TADA2A: variants seen among roughly 807,000 people sequenced by gnomAD.
TADA2A encodes transcriptional adapter 2-alpha.
Under a neutral mutation model 67.4 loss-of-function variants are expected in TADA2A, and 38 were observed. That is an observed-to-expected ratio of 0.56 (90% CI 0.44 to 0.74). The LOEUF (loss-of-function observed/expected upper bound fraction) is 0.74, where lower values mean the gene tolerates loss of function less well. Ranked by LOEUF, TADA2A falls within the 30% of genes least tolerant of loss-of-function variation. TADA2A has a pLI of 0.00. For synonymous variants in TADA2A, 192 were observed against 181.6 expected (o/e 1.06, Z -0.46); for missense variants, 454 against 547.0 (o/e 0.83, Z 1.70).
At chr17:37,427,929 C>T (rs990242050) in intron 4 of TADA2A, among the ~76,000 whole-genome samples, 3 of 151,980 alleles carry the variant, frequency 2.0e-5, no homozygotes, top group African/African-American at 7.3e-5. Flanking sequence ...TTGCAGTGAG[C>T]CAAGATCGCA....
intron 2 of TADA2A, among the ~76,000 whole-genome samples, chr17:37,423,065 A>G (rs1423264407): frequency 1.3e-5 from 2 of 152,102 alleles, no homozygotes; most frequent in Non-Finnish European, 2.9e-5. Context: ...ATGGTGAGAC[A>G]TCGTCTCTAC....
chr17:37,414,342 T>C (rs1306016181), intron 2 of TADA2A, among the ~76,000 whole-genome samples: 2 of 152,120 alleles, frequency 1.3e-5, no homozygotes, highest in Non-Finnish European at 2.9e-5. Context: ...TACATCCTTA[T>C]AGCGTACTCT....
At chr17:37,425,626 A>G (rs951609354) in intron 3 of TADA2A, among the ~76,000 whole-genome samples, 1 of 152,112 alleles carries the variant, frequency 6.6e-6, no homozygotes, top group African/African-American at 2.4e-5. Flanking sequence ...ACTTTCGATT[A>G]TAAGATGAAT....
intron 7 of TADA2A, among the ~76,000 whole-genome samples, chr17:37,442,996 C>G (rs1597895905): frequency 2.0e-5 from 3 of 151,966 alleles, no homozygotes; most frequent in Admixed American, 6.6e-5. Context: ...GACCCTGTCT[C>G]TACAAAAAAT....
intron 10 of TADA2A, among the ~76,000 whole-genome samples, chr17:37,464,838 CAAAAA>C (rs35664546): frequency 8.4e-6 from 1 of 119,478 alleles, no homozygotes; most frequent in East Asian, 2.5e-4. Flanking sequence ...GACTCCATCT[CAAAAA>C]AAAAAAAAAA....
rs114589117 is a variant in TADA2A at position 37,454,276 on chromosome 17, C to T, written c.605-4248C>T. On this transcript the variant is annotated intron_variant, in intron 8 of 15. Transcript: ENST00000615182. ...TTTTCTAGTTCCTTAGTGCAAAATG[C>T]GAGGGCATTACTTTCTTTCTTTCTT... The T allele has an allele frequency of 6.5e-3, 974 of 150,352 alleles. 3 individuals are homozygous for T. The highest frequency in any genetic ancestry group is 0.022 in the African/African-American group (904 of 40,668). 9.3% of individuals were successfully genotyped at this position (150,352 alleles called of 1,614,324 possible).
At chr17:37,455,035 G>A (rs967565653) in intron 8 of TADA2A, 10 of 154,530 alleles carry the variant, frequency 6.5e-5, no homozygotes, top group South Asian at 2.0e-4. Flanking sequence ...CAGAGGACAC[G>A]TGGCAGGTTA....
chr17:37,411,255 T>G lies in TADA2A; in HGVS notation c.-97-14T>G. On this transcript the variant is annotated splice_polypyrimidine_tract_variant and intron_variant, in intron 1 of 15. Coordinates refer to ENST00000615182, the MANE Select transcript of TADA2A (RefSeq NM_001166105.3). ...TGATTTTCTGATCCATGTGCCACTT[T>G]TGTTTGTTCCTAGGGAGTCATCAAG... 1.0e-6 allele frequency: 1 copy of G among 963,084 alleles called. No homozygotes were observed. The highest frequency in any genetic ancestry group is 1.7e-6 in the Non-Finnish European group (1 of 601,684). 59.7% of individuals were successfully genotyped at this position (963,084 alleles called of 1,614,324 possible).
At chr17:37,444,134 C>CT (rs1212949047) in intron 7 of TADA2A, among the ~76,000 whole-genome samples, 1 of 151,808 alleles carries the variant, frequency 6.6e-6, no homozygotes, top group African/African-American at 2.4e-5. Flanking sequence ...TGGCACATGC[C>CT]TGTAGACCCA....
intron 3 of TADA2A, among the ~76,000 whole-genome samples, chr17:37,424,284 A>AC (rs1274423292): frequency 7.9e-5 from 12 of 151,874 alleles, no homozygotes; most frequent in African/African-American, 2.9e-4. Flanking sequence ...CTCCACAAAA[A>AC]TAAAAAAAAA....
At chr17:37,423,754 T>C (rs1008409109) in intron 3 of TADA2A, 139 bp downstream of exon 3, 1 of 91,072 alleles carries the variant, frequency 1.1e-5, no homozygotes, top group Non-Finnish European at 1.5e-5. Context: ...TTTTCTTTCT[T>C]TTTTTTTTTT....
At chr17:37,452,175 G>A (rs932699977) in intron 8 of TADA2A, among the ~76,000 whole-genome samples, 3 of 152,050 alleles carry the variant, frequency 2.0e-5, no homozygotes, top group Non-Finnish European at 4.4e-5. Flanking sequence ...AGGCCAAGGC[G>A]GTGGATCACT....
chr17:37,435,390 G>A (rs1411579523), intron 4 of TADA2A, among the ~76,000 whole-genome samples: 2 of 152,102 alleles, frequency 1.3e-5, no homozygotes, highest in African/African-American at 2.4e-5. Context: ...CCGGGTTCAC[G>A]CCATTCTCCT....
chr17:37,470,943 A>G (rs553752103), intron 13 of TADA2A, 151 bp from the exon 14 acceptor site: 48 of 755,298 alleles, frequency 6.4e-5, no homozygotes, highest in African/African-American at 6.0e-4. Context: ...CCTGCTCAAT[A>G]CAGTGAGATA....
At chr17:37,414,451 C>T (rs2051979125) in intron 2 of TADA2A, among the ~76,000 whole-genome samples, 1 of 152,106 alleles carries the variant, frequency 6.6e-6, no homozygotes, top group African/African-American at 2.4e-5. Context: ...TCAGCCACTT[C>T]TCTGAGGAGT....
rs1028233668 is a variant in TADA2A, at chr17:37,422,275, A to G, written c.26-1234A>G. Among the ~76,000 whole-genome samples the G allele has an allele frequency of 2.5e-5, 3 of 120,856 alleles. 1 individual carries two copies. The highest frequency in any genetic ancestry group is 5.6e-5 in the African/African-American group (2 of 35,918). 79.3% of individuals were successfully genotyped at this position (120,856 alleles called of 152,430 possible). ...TGGCCAGGCTGGTCTTGAACTCCTC[A>G]CCTCATGATCCACCCGCCTCGGCCC... On this transcript the variant is annotated intron_variant, in intron 2 of 15. Transcript: ENST00000615182.
At chr17:37,472,791 G>T (rs2053817117) in intron 14 of TADA2A, among the ~76,000 whole-genome samples, 1 of 152,148 alleles carries the variant, frequency 6.6e-6, no homozygotes, top group South Asian at 2.1e-4. Context: ...GAATCCGGGA[G>T]GCAGAGGTTT....
chr17:37,409,169 T>G (rs1228972447), intron 1 of TADA2A, among the ~76,000 whole-genome samples: 1 of 152,068 alleles, frequency 6.6e-6, no homozygotes, highest in Non-Finnish European at 1.5e-5. Flanking sequence ...CACTGCAACC[T>G]CCACCTGCCT....
chr17:37,476,527 A>G (rs2148056283), intron 15 of TADA2A, among the ~76,000 whole-genome samples: 1 of 152,174 alleles, frequency 6.6e-6, no homozygotes, highest in Middle Eastern at 3.4e-3. Context: ...ATAGTTGTAA[A>G]TCCCTAACAA....
Sources: allele counts gnomAD v4.1 joint callset (sites outside exome capture counted in the v4.1 genomes callset), GRCh38; gene constraint gnomAD v4.1.1; transcripts MANE v1.5; gene names NCBI Gene and HGNC (gene_info 2026-07-23, HGNC 2026-07-21).